The following PLOD2 variants were observed in gnomAD, a reference collection of about 807,000 sequenced individuals.
PLOD2 encodes the protein procollagen-lysine,2-oxoglutarate 5-dioxygenase 2.
A neutral mutation model predicts 101.0 loss-of-function variants in PLOD2; 65 were observed. That is an observed-to-expected ratio of 0.64 (90% confidence interval 0.53 to 0.79). The LOEUF is 0.79. Ranked by LOEUF, PLOD2 falls within the 30% of genes least tolerant of loss-of-function variation. The pLI is 0.00. For missense variants in PLOD2, 909 were observed against 914.6 expected (o/e 0.99, Z 0.08); for synonymous variants, 314 against 302.9 (o/e 1.04, Z -0.38).
intron 1 of PLOD2, among the ~76,000 whole-genome samples, chr3:146,152,906 G>C (rs1413640882): frequency 6.6e-6 from 1 of 152,040 alleles, no homozygotes; most frequent in Non-Finnish European, 1.5e-5. Context: ...TTTGCCCTTG[G>C]TTACTTAGTA....
chr3:146,115,849 T>G lies in PLOD2; in HGVS notation c.338+5263A>C, dbSNP rs1313174811. On this transcript the variant is annotated intron_variant, in intron 3 of 19. Coordinates refer to ENST00000282903, the MANE Select transcript of PLOD2 (RefSeq NM_182943.3). ...ACAGTGACTGAACTCTGTCACTGTG[T>G]TGCAAAAGCCACCACAGACAATATG... Among the ~76,000 whole-genome samples the G allele has an allele frequency of 2.6e-5, 4 of 152,276 alleles. No individual in the cohort carries two copies. The South Asian group carries it at 8.3e-4, about 32-fold the overall frequency.
chr3:146,121,837 T>TA (rs2030174797), intron 2 of PLOD2, among the ~76,000 whole-genome samples: 1 of 152,206 alleles, frequency 6.6e-6, no homozygotes, highest in Non-Finnish European at 1.5e-5. Flanking sequence ...TGATTTTAAT[T>TA]ACCCTGTACC....
chr3:146,081,644 G>A, intron 12 of PLOD2, 94 bp downstream of exon 12: 5 of 1,002,488 alleles, frequency 5.0e-6, no homozygotes, highest in Non-Finnish European at 7.7e-6. Flanking sequence ...ATAAAGAAAA[G>A]AGATGAATGC....
intron 1 of PLOD2, among the ~76,000 whole-genome samples, chr3:146,148,334 G>GCAGGCACACACACACACA (rs111340998): frequency 3.9e-5 from 1 of 25,504 alleles, no homozygotes; most frequent in African/African-American, 1.1e-4. Flanking sequence ...AGGCAGGCAG[G>GCAGGCACACACACACACA]CACGCACACA....
At chr3:146,099,502 T>C (rs1043056807) in intron 7 of PLOD2, among the ~76,000 whole-genome samples, 1 of 152,020 alleles carries the variant, frequency 6.6e-6, no homozygotes, top group African/African-American at 2.4e-5. Context: ...GTTTAAGCGA[T>C]TCTCGTGCCT....
At chr3:146,121,848 C>A (rs1284704925) in intron 2 of PLOD2, among the ~76,000 whole-genome samples, 1 of 152,136 alleles carries the variant, frequency 6.6e-6, no homozygotes. Flanking sequence ...ACCCTGTACC[C>A]TTTCTCTTCA....
chr3:146,146,041 C>T lies in PLOD2; in HGVS notation c.109+14840G>A, dbSNP rs1031204752. ...ACATAAATTTCTATTACTTAGTTGCCTCTATTTCATAAGTTTCTTTTTTTC... is the reference window on the plus strand; with the variant it reads ...ACATAAATTTCTATTACTTAGTTGCTTCTATTTCATAAGTTTCTTTTTTTC... On this transcript the variant is annotated intron_variant, in intron 1 of 19. Coordinates refer to ENST00000282903, the MANE Select transcript of PLOD2 (RefSeq NM_182943.3). 7.9e-5 allele frequency among the ~76,000 whole-genome samples: 12 copies of T among 152,100 alleles called. No homozygotes were observed. The South Asian group carries it at 1.2e-3, about 16-fold the overall frequency.
chr3:146,160,900 C>G lies in PLOD2; in HGVS notation c.90G>C (p.Lys30Asn). The G allele has an allele frequency of 6.3e-7, 1 of 1,586,574 alleles. No individual in the cohort carries two copies. Among genetic ancestry groups the G allele is most frequent in the Non-Finnish European group, 8.6e-7 (1 of 1,165,984 alleles). ...WNPCLGADSE[K>N]PSSIPTDKLL... ...GCTCACCTGTGGGGATGCTCGAGGG[C>G]TTCTCCGAGTCCGCACCCAGACAGG... The change falls in exon 1 of 20, where the codon AAG becomes AAC. Residue 30 changes from lysine (K) to asparagine (N), a missense_variant. Physicochemically the swap from Lys to Asn is moderately conservative, Grantham distance 94. Transcript: ENST00000282903.
At chr3:146,156,991 A>G (rs2032329048) in intron 1 of PLOD2, among the ~76,000 whole-genome samples, 1 of 134,860 alleles carries the variant, frequency 7.4e-6, no homozygotes, top group African/African-American at 2.5e-5. Context: ...AAAGCAGGTA[A>G]AGCGGGAAAT....
At chr3:146,152,774 T>C (rs1012671346) in intron 1 of PLOD2, among the ~76,000 whole-genome samples, 10 of 152,186 alleles carry the variant, frequency 6.6e-5, no homozygotes, top group African/African-American at 1.9e-4. Flanking sequence ...CCTGCAAGAA[T>C]CTTAGAATTT....
intron 3 of PLOD2, among the ~76,000 whole-genome samples, chr3:146,113,976 T>G (rs116324961): frequency 6.6e-6 from 1 of 152,092 alleles, no homozygotes; most frequent in African/African-American, 2.4e-5. Context: ...GGTAGGTCTC[T>G]AAAATGGCCG....
At chr3:146,116,265 ACACACACACG>A (rs1486237049) in intron 3 of PLOD2, among the ~76,000 whole-genome samples, 7 of 151,964 alleles carry the variant, frequency 4.6e-5, no homozygotes, top group African/African-American at 1.7e-4. Context: ...AGACACACAG[ACACACACACG>A]CACACACACA....
At chr3:146,097,263 C>T (rs1937227528) in intron 7 of PLOD2, among the ~76,000 whole-genome samples, 2 of 150,700 alleles carry the variant, frequency 1.3e-5, no homozygotes, top group East Asian at 2.0e-4. Context: ...AAGTGAGGAG[C>T]CCCTCTGCCC....
chr3:146,077,675 G>C (rs1208428616), intron 14 of PLOD2, 187 bp downstream of exon 14: 2 of 486,080 alleles, frequency 4.1e-6, no homozygotes, highest in Non-Finnish European at 7.2e-6. Flanking sequence ...AAAGAACCAA[G>C]AGTTGACTAT....
At chr3:146,136,321 C>T (rs1332694189) in intron 1 of PLOD2, among the ~76,000 whole-genome samples, 1 of 151,942 alleles carries the variant, frequency 6.6e-6, no homozygotes, top group Non-Finnish European at 1.5e-5. Flanking sequence ...CATTCCTAGC[C>T]CAGAAATCCA....
intron 15 of PLOD2, 168 bp from the exon 16 acceptor site, chr3:146,073,520 G>T: frequency 2.9e-6 from 1 of 340,884 alleles, no homozygotes; most frequent in Non-Finnish European, 5.6e-6. Context: ...GCCTGGTTCT[G>T]AATATGCTTA....
At chr3:146,124,878 T>G (rs543167921) in intron 1 of PLOD2, among the ~76,000 whole-genome samples, 13 of 152,266 alleles carry the variant, frequency 8.5e-5, no homozygotes, top group Admixed American at 7.8e-4. Context: ...CTAGTAAATA[T>G]ACAACTATTA....
intron 1 of PLOD2, among the ~76,000 whole-genome samples, chr3:146,132,994 T>C (rs2031006669): frequency 6.6e-6 from 1 of 152,010 alleles, no homozygotes; most frequent in Non-Finnish European, 1.5e-5. Context: ...CTGGCTATGG[T>C]GAAACCCGGT....
At chr3:146,116,153 A>G (rs939456304) in intron 3 of PLOD2, among the ~76,000 whole-genome samples, 6 of 152,112 alleles carry the variant, frequency 3.9e-5, no homozygotes, top group African/African-American at 1.4e-4. Context: ...CACCTGAAGC[A>G]TATGTCTATA....
Sources: gnomAD v4.1 joint callset for allele counts (sites outside exome capture counted in the v4.1 genomes callset) on GRCh38, gnomAD v4.1.1 for gene constraint, MANE v1.5 for transcripts, NCBI Gene and HGNC (gene_info 2026-07-23, HGNC 2026-07-21) for gene names.